The following BRWD1 variants were observed in gnomAD, a reference collection of about 807,000 sequenced individuals.
BRWD1 encodes bromodomain and WD repeat-containing protein 1.
In BRWD1, 82 loss-of-function variants were observed where a neutral mutation model predicts 251.2. The observed-to-expected ratio is 0.33, with a 90% CI of 0.27 to 0.39. The LOEUF is 0.39. BRWD1 is among the 10% of genes least tolerant of loss of function. The probability of loss-of-function intolerance (pLI) is 1.00; values close to 1 mark genes in which losing one functional copy is unlikely to be tolerated. For synonymous variants in BRWD1, 918 were observed against 902.8 expected, an observed-to-expected ratio of 1.02 and a Z score of -0.30; for missense variants, 2,233 against 2,711.6, an observed-to-expected ratio of 0.82 and a Z score of 3.92.
chr21:39,215,877 G>A (rs2032868134), intron 31 of BRWD1, among the ~76,000 whole-genome samples: 1 of 152,134 alleles, frequency 6.6e-6, no homozygotes, highest in South Asian at 2.1e-4. Context: ...GTGCGCACCT[G>A]TAGCCCCAGC....
At chr21:39,241,064 C>A (rs1484061282) in intron 21 of BRWD1, among the ~76,000 whole-genome samples, 1 of 150,160 alleles carries the variant, frequency 6.7e-6, no homozygotes, top group Non-Finnish European at 1.5e-5. Flanking sequence ...CCACGCCCAG[C>A]TAATTTTTTT....
In BRWD1 at chr21:39,286,016, CT is replaced by C. The variant is rs57151774; in HGVS notation, c.832-5769del. Reference sequence around the variant, plus strand: ...CATAACATAAAACTCACCATATGAACTTTTTTTTTTTTTTTGAGTCAAGAGT... The same window carrying C: ...CATAACATAAAACTCACCATATGAACTTTTTTTTTTTTTTGAGTCAAGAGT... On this transcript the variant is annotated intron_variant, in intron 8 of 40. Coordinates refer to ENST00000342449, the MANE Select transcript of BRWD1 (RefSeq NM_033656.4). Among the ~76,000 whole-genome samples the C allele has an allele frequency of 4.9e-4, 51 of 104,772 alleles. No homozygotes were observed. In the East Asian group the frequency reaches 9.7e-3, roughly 20 times the overall value. 68.7% of individuals were successfully genotyped at this position (104,772 alleles called of 152,430 possible).
At chr21:39,238,933 C>T (rs1417311024) in intron 21 of BRWD1, among the ~76,000 whole-genome samples, 3 of 151,996 alleles carry the variant, frequency 2.0e-5, no homozygotes, top group African/African-American at 7.2e-5. Context: ...TTTTCAATTC[C>T]CTGTGACATA....
rs1401546331 is a variant in BRWD1 at position 39,248,685 on chromosome 21, T to TG, written c.2350-854dup. On this transcript the variant is annotated intron_variant, in intron 20 of 40. Coordinates refer to ENST00000342449, the MANE Select transcript of BRWD1 (RefSeq NM_033656.4). Reference sequence around the variant, plus strand: ...AAAAAAAAAAAAAAAAAAAAAACACTGGGGGGTGGAGGGCATCAAAAAATA... The same window carrying TG: ...AAAAAAAAAAAAAAAAAAAAAACACTGGGGGGGTGGAGGGCATCAAAAAATA... Among the ~76,000 whole-genome samples the TG allele has an allele frequency of 4.0e-5, 4 of 100,846 alleles. 1 individual carries two copies. In the South Asian group the frequency reaches 1.0e-3, roughly 26 times the overall value. 66.2% of individuals were successfully genotyped at this position (100,846 alleles called of 152,430 possible). A position where few individuals can be genotyped will look rare whatever the true frequency, so the allele number is the denominator to read the frequency against.
In BRWD1 at chr21:39,212,920, G is replaced by A. The variant is rs544625973; in HGVS notation, c.3859-213C>T. ...TTAATAATCCTTTTTCATTCCCTAA[G>A]AACATGAACTAATTCTAAAATTTGA... On this transcript the variant is annotated intron_variant, in intron 33 of 40. Transcript: ENST00000342449. 2.0e-5 allele frequency among the ~76,000 whole-genome samples: 3 copies of A among 150,204 alleles called. No homozygotes were observed. The East Asian group carries it at 5.8e-4, about 29-fold the overall frequency.
chr21:39,257,666 G>A (rs922530292), intron 18 of BRWD1, among the ~76,000 whole-genome samples: 3 of 152,048 alleles, frequency 2.0e-5, no homozygotes, highest in Non-Finnish European at 4.4e-5. Context: ...TATTCAGCTT[G>A]TTGAATGTGA....
chr21:39,315,993 G>T (rs1465557107), upstream of BRWD1, among the ~76,000 whole-genome samples: 1 of 152,208 alleles, frequency 6.6e-6, no homozygotes, highest in Non-Finnish European at 1.5e-5. Context: ...TAAGGAACCA[G>T]AAGTTTAGTA....
intron 23 of BRWD1, among the ~76,000 whole-genome samples, chr21:39,234,339 G>A (rs2033732897): frequency 6.6e-6 from 1 of 152,054 alleles, no homozygotes; most frequent in South Asian, 2.1e-4. Context: ...TGGAGGGATG[G>A]GATTTAGAAT....
chr21:39,223,869 A>AT (rs2033276322), intron 29 of BRWD1, among the ~76,000 whole-genome samples: 1 of 152,190 alleles, frequency 6.6e-6, no homozygotes, highest in African/African-American at 2.4e-5. Flanking sequence ...TGTTTTTCTG[A>AT]GATGGAGTCT....
Position 39,196,038 on chromosome 21 carries a change from C to A in BRWD1, c.*221G>T, listed in dbSNP as rs2031793503. 1 of 1,263,060 alleles carries A rather than the reference C, an allele frequency of 7.9e-7. No individual in the cohort carries two copies. The allele number at this position is 1,263,060 out of a possible 1,614,324, so 78.2% of individuals were successfully genotyped here. On this transcript the variant is annotated 3_prime_UTR_variant, in exon 41 of 41. Coordinates refer to ENST00000342449, the MANE Select transcript of BRWD1 (RefSeq NM_033656.4). ...TCAAATACTGTCAAAATAGATCTGC[C>A]CCCAAAATGAAGCATATTTTGGCAC...
At chr21:39,214,890 T>G (rs2146505181) in intron 32 of BRWD1, among the ~76,000 whole-genome samples, 1 of 151,386 alleles carries the variant, frequency 6.6e-6, no homozygotes, top group East Asian at 1.9e-4. Context: ...CTTTTTTTTT[T>G]TTTTTCTGGA....
intron 5 of BRWD1, chr21:39,296,871 G>A (rs1486254555): frequency 6.1e-6 from 6 of 981,218 alleles, no homozygotes; most frequent in Non-Finnish European, 7.3e-6. Flanking sequence ...TTTCAAAAAT[G>A]GAAGCTTTTA....
upstream of BRWD1, among the ~76,000 whole-genome samples, chr21:39,318,207 A>G (rs372400702): frequency 6.6e-6 from 1 of 152,194 alleles, no homozygotes; most frequent in South Asian, 2.1e-4. Context: ...ATATGAATGC[A>G]TATCTAGAAA....
chr21:39,319,911 A>C (rs546759192), intron 1 of BRWD1, among the ~76,000 whole-genome samples: 1 of 151,674 alleles, frequency 6.6e-6, no homozygotes, highest in East Asian at 1.9e-4. Context: ...TCTTCTTTGG[A>C]GATAATCCTG....
intron 23 of BRWD1, among the ~76,000 whole-genome samples, chr21:39,236,352 A>T (rs765773561): frequency 6.6e-6 from 1 of 151,988 alleles, no homozygotes; most frequent in Admixed American, 6.5e-5. Context: ...AAAGTAGGAG[A>T]CAGAGGAGTC....
chr21:39,270,004 C>A lies in BRWD1; in HGVS notation c.1425G>T (p.Glu475Asp). The A allele has an allele frequency of 6.3e-7, 1 of 1,589,762 alleles. No homozygotes were observed. Residue 475 changes from glutamate to aspartate, a missense_variant, in exon 15 of 41, where the codon GAG becomes GAT. By Grantham distance (45) the Glu-to-Asp change is conservative (BLOSUM62 2). Transcript: ENST00000342449. The stretch of plus-strand genomic sequence containing the variant: ...TAATTCTGGAATCAAAGGGATGTGT[C>A]TCCAGAACAAATACTTCATCAGCAT... ...MGHADEVFVL[E>D]THPFDSRIML...
At chr21:39,302,620 G>A (rs1034685699) in intron 4 of BRWD1, among the ~76,000 whole-genome samples, 5 of 151,954 alleles carry the variant, frequency 3.3e-5, no homozygotes, top group South Asian at 2.1e-4. Context: ...AGCCAGGCAT[G>A]GTGGCACATG....
At chr21:39,265,277 T>G (rs2034883789) in intron 15 of BRWD1, among the ~76,000 whole-genome samples, 1 of 151,776 alleles carries the variant, frequency 6.6e-6, no homozygotes, top group Non-Finnish European at 1.5e-5. Context: ...TACAAAAAAT[T>G]AGCCGGGCGT....
chr21:39,286,676 G>A (rs894443684), intron 8 of BRWD1, among the ~76,000 whole-genome samples: 2 of 151,718 alleles, frequency 1.3e-5, no homozygotes, highest in Non-Finnish European at 2.9e-5. Context: ...CACCATGCCC[G>A]GCTAATTTTT....
Sources: allele counts gnomAD v4.1 joint callset (sites outside exome capture counted in the v4.1 genomes callset), GRCh38; gene constraint gnomAD v4.1.1; transcripts MANE v1.5; gene names NCBI Gene and HGNC (gene_info 2026-07-23, HGNC 2026-07-21).